The following TRMT11 variants were observed in gnomAD, a reference collection of about 807,000 sequenced individuals.
TRMT11 encodes tRNA (guanine(10)-N(2))-methyltransferase TRMT11.
A neutral mutation model predicts 62.8 loss-of-function variants in TRMT11; 53 were observed. That is an observed-to-expected ratio of 0.84 (90% CI 0.68 to 1.06). TRMT11 has a LOEUF of 1.06. Ranked by LOEUF, TRMT11 falls within the 50% of genes least tolerant of loss-of-function variation. TRMT11 has a pLI of 0.00. For synonymous variants in TRMT11, 188 were observed against 190.3 expected, an observed-to-expected ratio of 0.99 and a Z score of 0.10; for missense variants, 556 against 553.4, an observed-to-expected ratio of 1.00 and a Z score of -0.05.
At chr6:125,993,893 T>A in intron 2 of TRMT11, 71 bp downstream of exon 2, 1 of 846,008 alleles carries the variant, frequency 1.2e-6, no homozygotes, top group Non-Finnish European at 1.9e-6. Context: ...AGAGAAGAAG[T>A]GCATATCTTA....
At chr6:126,222,343 C>A in the TRMT11 span, among the ~76,000 whole-genome samples, 1 of 151,594 alleles carries the variant, frequency 6.6e-6, no homozygotes, top group African/African-American at 2.4e-5. Flanking sequence ...TTTCTAAATT[C>A]TGTGAAGAAT....
At chr6:126,102,980 G>A (rs1562323373) in intron 17 of TRMT11, among the ~76,000 whole-genome samples, 1 of 152,100 alleles carries the variant, frequency 6.6e-6, no homozygotes, top group African/African-American at 2.4e-5. Flanking sequence ...ATAGAGAATG[G>A]CATTTTCATT....
At chr6:125,992,720 T>G (rs928146827) in intron 1 of TRMT11, among the ~76,000 whole-genome samples, 5 of 152,344 alleles carry the variant, frequency 3.3e-5, no homozygotes, top group African/African-American at 1.2e-4. Flanking sequence ...TATGGTCTAT[T>G]TAATTTCTAA....
the TRMT11 span, among the ~76,000 whole-genome samples, chr6:126,231,568 A>G: frequency 9.9e-5 from 15 of 152,192 alleles, no homozygotes; most frequent in East Asian, 3.8e-4. Flanking sequence ...CAGATTTTCA[A>G]CCGTGCAGAG....
At chr6:126,240,970 C>A in the TRMT11 span, among the ~76,000 whole-genome samples, 1 of 152,242 alleles carries the variant, frequency 6.6e-6, no homozygotes, top group African/African-American at 2.4e-5. Context: ...GCTGTGCCAG[C>A]AATGAGCGAG....
intron 1 of TRMT11, among the ~76,000 whole-genome samples, chr6:126,181,844 T>C (rs934824696): frequency 6.6e-6 from 1 of 152,354 alleles, no homozygotes; most frequent in Middle Eastern, 3.4e-3. Flanking sequence ...TTACTAGCCT[T>C]ATTTCCTTTC....
At chr6:126,123,444 A>G (rs968932095) in intron 21 of TRMT11, among the ~76,000 whole-genome samples, 1 of 152,074 alleles carries the variant, frequency 6.6e-6, no homozygotes, top group Admixed American at 6.6e-5. Flanking sequence ...GTAAGGACAG[A>G]CTTGAACACT....
chr6:126,179,871 C>G (rs1270919198), intron 1 of TRMT11, among the ~76,000 whole-genome samples: 1 of 152,092 alleles, frequency 6.6e-6, no homozygotes, highest in East Asian at 1.9e-4. Context: ...TAACTTACCT[C>G]TAATAATTAG....
intron 21 of TRMT11, among the ~76,000 whole-genome samples, chr6:126,150,540 C>T (rs1322497050): frequency 6.6e-6 from 1 of 152,134 alleles, no homozygotes; most frequent in Non-Finnish European, 1.5e-5. Flanking sequence ...AGCATTGAGT[C>T]TAGCTAGTAG....
chr6:126,100,218 G>A (rs1047809908), intron 17 of TRMT11, among the ~76,000 whole-genome samples: 1 of 152,128 alleles, frequency 6.6e-6, no homozygotes, highest in South Asian at 2.1e-4. Flanking sequence ...AGTTATATTT[G>A]ATGATATAAG....
upstream of TRMT11, among the ~76,000 whole-genome samples, chr6:126,176,544 C>T (rs9482722): frequency 0.058 from 8,764 of 152,186 alleles, 865 homozygotes; most frequent in African/African-American, 0.2. Context: ...TGAATACCTC[C>T]TGTGACCTAT....
At chr6:126,049,120 T>G (rs767841676) in intron 16 of TRMT11, among the ~76,000 whole-genome samples, 27 of 152,206 alleles carry the variant, frequency 1.8e-4, no homozygotes, top group Middle Eastern at 3.2e-3. Context: ...CTACATTTGT[T>G]CTATATTTTC....
At chr6:126,012,303 T>C (rs1190151280) in intron 9 of TRMT11, among the ~76,000 whole-genome samples, 2 of 152,170 alleles carry the variant, frequency 1.3e-5, no homozygotes, top group African/African-American at 4.8e-5. Context: ...TGGTATACAT[T>C]GTGGCCTTTT....
chr6:126,142,518 A>G (rs2128215945), intron 21 of TRMT11, among the ~76,000 whole-genome samples: 1 of 152,258 alleles, frequency 6.6e-6, no homozygotes, highest in East Asian at 1.9e-4. Flanking sequence ...AACAGAAAGA[A>G]CATGAATTTA....
intron 12 of TRMT11, among the ~76,000 whole-genome samples, chr6:126,034,878 A>G (rs978810611): frequency 6.6e-6 from 1 of 150,632 alleles, no homozygotes; most frequent in African/African-American, 2.4e-5. Flanking sequence ...TACTGTGCTG[A>G]AAAAAAAACA....
At chr6:126,259,912 T>A in the TRMT11 span, among the ~76,000 whole-genome samples, 1 of 152,208 alleles carries the variant, frequency 6.6e-6, no homozygotes, top group Non-Finnish European at 1.5e-5. Flanking sequence ...TTTGTGTTTG[T>A]ATGGGATCTT....
chr6:126,002,030 T>C (rs1435332158), intron 7 of TRMT11, among the ~76,000 whole-genome samples: 1 of 152,174 alleles, frequency 6.6e-6, no homozygotes, highest in Non-Finnish European at 1.5e-5. Context: ...TTGTGACATG[T>C]TCCTATCCTT....
intron 1 of TRMT11, among the ~76,000 whole-genome samples, chr6:125,991,442 C>T (rs187313066): frequency 4.0e-5 from 6 of 151,320 alleles, no homozygotes; most frequent in Admixed American, 2.6e-4. Context: ...TTTGTGGAGC[C>T]GGGTGTTAAT....
At chr6:126,261,768 GT>G in the TRMT11 span, among the ~76,000 whole-genome samples, 1 of 152,168 alleles carries the variant, frequency 6.6e-6, no homozygotes, top group African/African-American at 2.4e-5. Flanking sequence ...TGTTGGTGTA[GT>G]TTTGCTGTAG....
Sources: gnomAD v4.1 joint callset for allele counts (sites outside exome capture counted in the v4.1 genomes callset) on GRCh38, gnomAD v4.1.1 for gene constraint, MANE v1.5 for transcripts, NCBI Gene and HGNC (gene_info 2026-07-23, HGNC 2026-07-21) for gene names.